The following FBXL7 variants were observed in gnomAD, a reference collection of about 807,000 sequenced individuals.
FBXL7 encodes F-box and leucine rich repeat protein 7.
Under a neutral mutation model 38.3 loss-of-function variants are expected in FBXL7, and 12 were observed. The observed-to-expected ratio is 0.31, with a 90% CI of 0.20 to 0.51. The LOEUF is 0.51. Among genes scored for constraint, FBXL7 ranks in the 20% least tolerant of loss-of-function variants. The pLI, the probability that FBXL7 is intolerant of heterozygous loss-of-function variation, is 0.98. For missense variants in FBXL7, 567 were observed against 676.4 expected (o/e 0.84, Z 1.79); for synonymous variants, 297 against 300.9 (o/e 0.99, Z 0.13).
chr5:15,817,993 A>G (rs1464197021), intron 2 of FBXL7, among the ~76,000 whole-genome samples: 1 of 152,160 alleles, frequency 6.6e-6, no homozygotes, highest in Non-Finnish European at 1.5e-5. Flanking sequence ...AACTTTTAGG[A>G]GCTGGGGATA....
At chr5:15,626,543 C>CGTGTGTGTGTGTGT (rs1554010324) in intron 2 of FBXL7, among the ~76,000 whole-genome samples, 38 of 103,670 alleles carry the variant, frequency 3.7e-4, no homozygotes, top group East Asian at 3.2e-3. Flanking sequence ...AAATTCGTTT[C>CGTGTGTGTGTGTGT]CTGTGTGTGT....
Position 15,936,361 on chromosome 5 carries a change from G to T in FBXL7, c.740-89G>T. ...ACATCAGCCTCGGACCCAGACTTGG[G>T]CGAGGGTCAGGAATGCCCCAGGGCA... On this transcript the variant is annotated intron_variant, in intron 3 of 3. Transcript: ENST00000504595. The surrounding 1 kb of genome is among the most constrained non-coding windows in gnomAD (Gnocchi z 6.0). 6.7e-7 allele frequency: 1 copy of T among 1,488,600 alleles called. No individual in the cohort carries two copies. The allele number at this position is 1,488,600 out of a possible 1,614,324, so 92.2% of individuals were successfully genotyped here. A position where few individuals can be genotyped will look rare whatever the true frequency, so the allele number is the denominator to read the frequency against.
intron 2 of FBXL7, among the ~76,000 whole-genome samples, chr5:15,660,455 C>T (rs990696419): frequency 1.3e-5 from 2 of 152,212 alleles, no homozygotes; most frequent in African/African-American, 4.8e-5. Flanking sequence ...CTCCTAGGTT[C>T]AAGTGATTCT....
chr5:15,551,607 A>G (rs1738073208), intron 1 of FBXL7, among the ~76,000 whole-genome samples: 1 of 152,202 alleles, frequency 6.6e-6, no homozygotes, highest in South Asian at 2.1e-4. Flanking sequence ...GTGGATCTTT[A>G]TTCATTTATT....
intron 2 of FBXL7, among the ~76,000 whole-genome samples, chr5:15,869,226 A>G (rs1258055073): frequency 6.6e-6 from 1 of 152,068 alleles, no homozygotes; most frequent in Non-Finnish European, 1.5e-5. Context: ...CTTTGCCTAT[A>G]TTTTCTTTGT....
At chr5:15,921,240 G>A (rs1329412417) in intron 2 of FBXL7, among the ~76,000 whole-genome samples, 1 of 151,974 alleles carries the variant, frequency 6.6e-6, no homozygotes, top group Non-Finnish European at 1.5e-5. Flanking sequence ...GATTAGCCAG[G>A]TGTGGTGGTG....
intron 2 of FBXL7, among the ~76,000 whole-genome samples, chr5:15,880,114 A>G (rs183349444): frequency 6.6e-6 from 1 of 152,126 alleles, no homozygotes; most frequent in Non-Finnish European, 1.5e-5. Context: ...GCCTTCCATG[A>G]TGCTTCTAAA....
intron 2 of FBXL7, among the ~76,000 whole-genome samples, chr5:15,781,266 G>A (rs1231731077): frequency 2.0e-5 from 3 of 152,106 alleles, no homozygotes; most frequent in African/African-American, 7.2e-5. Flanking sequence ...GTGATAACGA[G>A]AGAGAAATTT....
intron 2 of FBXL7, among the ~76,000 whole-genome samples, chr5:15,858,797 T>C (rs903877670): frequency 2.0e-5 from 3 of 152,158 alleles, no homozygotes; most frequent in Non-Finnish European, 4.4e-5. Flanking sequence ...ATAGAACCAT[T>C]TTGCAGATTT....
rs1012150919 is a variant in FBXL7, at chr5:15,877,532, T to C, written c.128-50358T>C. On this transcript the variant is annotated intron_variant, in intron 2 of 3. Transcript: ENST00000504595. ...TATCTTTGTCATTCTAATTTTTTGC[T>C]GTGTAGATCTATGCACTTGGCAAGG... 3.9e-5 allele frequency among the ~76,000 whole-genome samples: 6 copies of C among 152,320 alleles called. No homozygotes were observed. The East Asian group carries it at 9.6e-4, about 24-fold the overall frequency.
At chr5:15,846,989 A>G (rs1385184234) in intron 2 of FBXL7, among the ~76,000 whole-genome samples, 1 of 152,202 alleles carries the variant, frequency 6.6e-6, no homozygotes, top group Non-Finnish European at 1.5e-5. Context: ...AATCTTGAAT[A>G]TTGATGAGGT....
At chr5:15,870,035 A>G (rs1367704959) in intron 2 of FBXL7, among the ~76,000 whole-genome samples, 1 of 152,126 alleles carries the variant, frequency 6.6e-6, no homozygotes, top group Non-Finnish European at 1.5e-5. Context: ...ACTTAAACCC[A>G]GGAGCTTAAG....
At chr5:15,929,388 G>T (rs1316248704) in intron 3 of FBXL7, among the ~76,000 whole-genome samples, 1 of 152,206 alleles carries the variant, frequency 6.6e-6, no homozygotes, top group Admixed American at 6.5e-5. Context: ...GGAGGCTGAG[G>T]CATGAGGATT....
chr5:15,733,852 T>C (rs1028157811), intron 2 of FBXL7, among the ~76,000 whole-genome samples: 1 of 152,354 alleles, frequency 6.6e-6, no homozygotes, highest in South Asian at 2.1e-4. Context: ...CTCAGGCCTA[T>C]AATCCCAGCA....
At chr5:15,538,222 T>A (rs535208489) in intron 1 of FBXL7, among the ~76,000 whole-genome samples, 1 of 152,124 alleles carries the variant, frequency 6.6e-6, no homozygotes, top group African/African-American at 2.4e-5. Flanking sequence ...CAGCTACACA[T>A]TGAAATTGTG....
intron 2 of FBXL7, among the ~76,000 whole-genome samples, chr5:15,683,611 TCAAAG>T (rs752632996): frequency 2.3e-4 from 35 of 152,186 alleles, no homozygotes; most frequent in Non-Finnish European, 1.9e-4. Context: ...GACTTCCTCT[TCAAAG>T]CATATCTGTA....
At chr5:15,834,879 A>G (rs1279807880) in intron 2 of FBXL7, among the ~76,000 whole-genome samples, 1 of 152,216 alleles carries the variant, frequency 6.6e-6, no homozygotes, top group Non-Finnish European at 1.5e-5. Flanking sequence ...TGCAAATGGT[A>G]TTGTTAAAGA....
intron 2 of FBXL7, among the ~76,000 whole-genome samples, chr5:15,721,978 G>A (rs1744206646): frequency 1.3e-5 from 2 of 152,228 alleles, no homozygotes; most frequent in African/African-American, 4.8e-5. Context: ...GGGACTACAG[G>A]CACCCACCAC....
chr5:15,805,391 A>G (rs573977596), intron 2 of FBXL7, among the ~76,000 whole-genome samples: 2 of 152,278 alleles, frequency 1.3e-5, no homozygotes, highest in African/African-American at 4.8e-5. Flanking sequence ...TCCCAAATAG[A>G]TATCCACACT....
Sources: gnomAD v4.1 joint callset for allele counts (sites outside exome capture counted in the v4.1 genomes callset) on GRCh38, gnomAD v4.1.1 for gene constraint, Gnocchi (gnomAD v3.1) non-coding constraint, MANE v1.5 for transcripts, NCBI Gene and HGNC (gene_info 2026-07-23, HGNC 2026-07-21) for gene names.